The following ZNF579 variants were observed in gnomAD, a reference collection of about 807,000 sequenced individuals.
The protein encoded by ZNF579 is zinc finger protein 579.
Under a neutral mutation model 5.7 loss-of-function variants are expected in ZNF579, and 3 were observed. The ratio of observed to expected loss-of-function variants is 0.53; its 90% confidence interval spans 0.24 to 1.36. The LOEUF is 1.36. Among genes scored for constraint, ZNF579 ranks in the 40% most tolerant of loss-of-function variants. The pLI, the probability that ZNF579 is intolerant of heterozygous loss-of-function variation, is 0.16. For missense variants in ZNF579, 679 were observed against 877.6 expected (o/e 0.77, Z 2.86); for synonymous variants, 454 against 409.0 (o/e 1.11, Z -1.33).
chr19:55,578,182 C>T lies in ZNF579; in HGVS notation c.1458G>A (p.Pro486=), dbSNP rs1018475587. Residue 486 remains proline, a synonymous_variant, in exon 2 of 2, where the codon CCG becomes CCA. Coordinates refer to ENST00000325421, the MANE Select transcript of ZNF579 (RefSeq NM_152600.3). ...GCTCGGCCTTCAGGGGCGGCGGGGG[C>T]GGTGGCGGCGACGTCGGGGCCTGGG... ...LQAQAPTSPP[P]PPPPLKAEQE... 5 of 1,494,988 alleles carry T rather than the reference C, an allele frequency of 3.3e-6. No homozygotes were observed. The African/African-American group carries it at 4.2e-5, about 13-fold the overall frequency. 92.6% of individuals were successfully genotyped at this position (1,494,988 alleles called of 1,614,324 possible).
rs1274326661 is a variant in ZNF579 at position 55,578,348 on chromosome 19, G to A, written c.1292C>T (p.Ala431Val). 1 of 1,428,996 alleles carries A rather than the reference G, an allele frequency of 7.0e-7. No individual in the cohort carries two copies. The highest frequency in any genetic ancestry group is 1.5e-5 in the African/African-American group (1 of 66,166). The allele number at this position is 1,428,996 out of a possible 1,614,324, so 88.5% of individuals were successfully genotyped here. A position where few individuals can be genotyped will look rare whatever the true frequency, so the allele number is the denominator to read the frequency against. ...GGCTGGGCCCCCCGCGTGCACCTGTGCGTGGCGCGCCAGGTCGGCCAGGCG... is the reference window on the plus strand; with the variant it reads ...GGCTGGGCCCCCCGCGTGCACCTGTACGTGGCGCGCCAGGTCGGCCAGGCG... ...FKRLADLARH[A>V]QVHAGGPAPH... The change falls in exon 2 of 2, where the codon GCA (alanine) becomes GTA (valine). Residue 431 changes from alanine to valine, a missense_variant. Around this residue, in one of 6 missense-constraint regions of ZNF579, gnomAD observed 68 missense variants for 154.2 expected, o/e 0.44. Transcript: ENST00000325421.
chr19:55,577,729 G>A lies in ZNF579; in HGVS notation c.*222C>T. The stretch of plus-strand genomic sequence containing the variant: ...GCCGCCTTTTTTTCCAAGTCGTCCT[G>A]CCTTAAGACACATGTTGGGGTGAGC... On this transcript the variant is annotated 3_prime_UTR_variant, in exon 2 of 2. Coordinates refer to ENST00000325421, the MANE Select transcript of ZNF579 (RefSeq NM_152600.3). 1 of 840,984 alleles carries A rather than the reference G, an allele frequency of 1.2e-6. No homozygotes were observed. The allele number at this position is 840,984 out of a possible 1,614,324, so 52.1% of individuals were successfully genotyped here.
chr19:55,577,767 G>C lies in ZNF579; in HGVS notation c.*184C>G. The C allele has an allele frequency of 2.6e-6, 3 of 1,158,772 alleles. No individual in the cohort carries two copies. Among genetic ancestry groups the C allele is most frequent in the Non-Finnish European group, 3.5e-6 (3 of 846,838 alleles). The allele number at this position is 1,158,772 out of a possible 1,614,324, so 71.8% of individuals were successfully genotyped here. ...TGTTGGGGTGAGCGGTTCCTAACCA[G>C]CATCAGGGGTTCTGGGGGCGGGCGA... is the stretch of plus-strand genomic sequence containing the variant. On this transcript the variant is annotated 3_prime_UTR_variant, in exon 2 of 2. Transcript: ENST00000325421.
chr19:55,579,248 G>A lies in ZNF579; in HGVS notation c.392C>T (p.Ala131Val). ...CGTCTCCTTGGCCACCCTCTCGATG[G>A]CCAGCTCGACCTCGCCGCCCGCGTG... is the stretch of plus-strand genomic sequence containing the variant. ...QEHAGGEVELAIERVAKETAE... is the reference protein window; with the variant it reads ...QEHAGGEVELVIERVAKETAE... The change falls in exon 2 of 2, where the codon GCC (alanine) becomes GTC (valine). Residue 131 changes from alanine to valine, a missense_variant. Ala to Val is a moderately conservative substitution (Grantham distance 64, BLOSUM62 0). Around this residue, in one of 6 missense-constraint regions of ZNF579, gnomAD observed 209 missense variants for 223.4 expected, o/e 0.94. Transcript: ENST00000325421. 6.6e-7 allele frequency: 1 copy of A among 1,520,206 alleles called. No homozygotes were observed. The highest frequency in any genetic ancestry group is 8.8e-7 in the Non-Finnish European group (1 of 1,139,370). 94.2% of individuals were successfully genotyped at this position (1,520,206 alleles called of 1,614,324 possible). A position where few individuals can be genotyped will look rare whatever the true frequency, so the allele number is the denominator to read the frequency against.
In ZNF579 at chr19:55,579,066, G is replaced by A; in HGVS notation, c.574C>T (p.Arg192Trp). ...LAAPTSAAEP[R>W]ESESEEAEAG... ...TCGGCCTCCTCCGACTCCGACTCCCGGGGCTCCGCGGCGCTGGTGGGCGCA... is the reference window on the plus strand; with the variant it reads ...TCGGCCTCCTCCGACTCCGACTCCCAGGGCTCCGCGGCGCTGGTGGGCGCA... The change falls in exon 2 of 2, where the codon CGG becomes TGG. Residue 192 changes from arginine (R) to tryptophan (W), a missense_variant. By Grantham distance (101) the Arg-to-Trp change is moderately radical. Around this residue, in one of 6 missense-constraint regions of ZNF579, gnomAD observed 209 missense variants for 223.4 expected, o/e 0.94. Transcript: ENST00000325421. The A allele has an allele frequency of 6.5e-7, 1 of 1,529,120 alleles. No homozygotes were observed. The highest frequency in any genetic ancestry group is 8.7e-7 in the Non-Finnish European group (1 of 1,144,266). The allele number at this position is 1,529,120 out of a possible 1,614,324, so 94.7% of individuals were successfully genotyped here.
intron 1 of ZNF579, among the ~76,000 whole-genome samples, 189 bp downstream of exon 1, chr19:55,580,606 C>T (rs1979629193): frequency 6.6e-6 from 1 of 151,062 alleles, no homozygotes; most frequent in Non-Finnish European, 1.5e-5. Context: ...AGGGCCGGAC[C>T]CCTGGACTCG....
In ZNF579 at chr19:55,578,315, G is replaced by A. The variant is rs914472936; in HGVS notation, c.1325C>T (p.Pro442Leu). The A allele has an allele frequency of 3.1e-6, 4 of 1,304,022 alleles. No individual in the cohort carries two copies. Among genetic ancestry groups the A allele is most frequent in the Admixed American group, 8.7e-5 (2 of 23,040 alleles). The allele number at this position is 1,304,022 out of a possible 1,614,324, so 80.8% of individuals were successfully genotyped here. A position where few individuals can be genotyped will look rare whatever the true frequency, so the allele number is the denominator to read the frequency against. The part of the protein sequence containing the change: ...QVHAGGPAPH[P>L]CPRCPRRFSR... ...GAAGCGGCGCGGGCAGCGGGGGCAC[G>A]GGTGCGGGGCTGGGCCCCCCGCGTG... Residue 442 changes from proline (P) to leucine (L), a missense_variant, in exon 2 of 2, where the codon CCG becomes CTG. By Grantham distance (98) the Pro-to-Leu change is moderately conservative. Around this residue, in one of 6 missense-constraint regions of ZNF579, gnomAD observed 68 missense variants for 154.2 expected, o/e 0.44. Coordinates refer to ENST00000325421, the MANE Select transcript of ZNF579 (RefSeq NM_152600.3).
chr19:55,579,808 G>C, intron 1 of ZNF579, 167 bp from the exon 2 acceptor site: 1 of 695,822 alleles, frequency 1.4e-6, no homozygotes, highest in Non-Finnish European at 2.1e-6. Flanking sequence ...AGACACCGAG[G>C]GGAGGCCAGA....
Position 55,578,968 on chromosome 19 carries a change from G to A in ZNF579, c.672C>T (p.Leu224=). 6.5e-7 allele frequency: 1 copy of A among 1,545,056 alleles called. No individual in the cohort carries two copies. Among genetic ancestry groups the A allele is most frequent in the Non-Finnish European group, 8.7e-7 (1 of 1,150,034 alleles). Reference sequence around the variant, plus strand: ...GACACAGCAGCGTCCAGTCTGCCTGGAGCAGGACCTGTTTCTCCTCCTGCC... The same window carrying A: ...GACACAGCAGCGTCCAGTCTGCCTGAAGCAGGACCTGTTTCTCCTCCTGCC... The part of the protein sequence containing the change: ...AGRQEEKQVL[L]QADWTLLCLR... The change falls in exon 2 of 2, where the codon CTC becomes CTT. Residue 224 remains leucine (L), a synonymous_variant. Transcript: ENST00000325421.
chr19:55,578,443 C>G lies in ZNF579; in HGVS notation c.1197G>C (p.Leu399=). 6.8e-7 allele frequency: 1 copy of G among 1,469,456 alleles called. No homozygotes were observed. Among genetic ancestry groups the G allele is most frequent in the Non-Finnish European group, 8.9e-7 (1 of 1,120,420 alleles). The allele number at this position is 1,469,456 out of a possible 1,614,324, so 91.0% of individuals were successfully genotyped here. Reference sequence around the variant, plus strand: ...CCGAGTGGGTCACCCCGTGCTGCCGCAGGTGCGCCCGGCGCCTGAAACCTT... The same window carrying G: ...CCGAGTGGGTCACCCCGTGCTGCCGGAGGTGCGCCCGGCGCCTGAAACCTT... The part of the protein sequence containing the change: ...CGKGFRRRAH[L]RQHGVTHSGA... The change falls in exon 2 of 2, where the codon CTG becomes CTC. Residue 399 remains leucine, a synonymous_variant. Coordinates refer to ENST00000325421, the MANE Select transcript of ZNF579 (RefSeq NM_152600.3).
chr19:55,578,652 G>A lies in ZNF579; in HGVS notation c.988C>T (p.Pro330Ser). ...TTGTCGTCCTTCTTGCCCGCCGCGG[G>A]CAGCGGGGCCAGCAGGCTGAGGGGG... Reference protein sequence around the residue: ...HGPLSLLAPLPAAGKKDDKAS... With the variant: ...HGPLSLLAPLSAAGKKDDKAS... Residue 330 changes from proline to serine, a missense_variant, in exon 2 of 2, where the codon CCC (proline) becomes TCC (serine). Pro to Ser is a moderately conservative substitution (Grantham distance 74, BLOSUM62 -1). Coordinates refer to ENST00000325421, the MANE Select transcript of ZNF579 (RefSeq NM_152600.3). The A allele has an allele frequency of 6.5e-7, 1 of 1,530,822 alleles. No individual in the cohort carries two copies. The highest frequency in any genetic ancestry group is 8.7e-7 in the Non-Finnish European group (1 of 1,149,446). 94.8% of individuals were successfully genotyped at this position (1,530,822 alleles called of 1,614,324 possible).
chr19:55,579,730 G>A, intron 1 of ZNF579, 89 bp from the exon 2 acceptor site: 5 of 1,298,948 alleles, frequency 3.8e-6, no homozygotes, highest in Non-Finnish European at 4.9e-6. Flanking sequence ...GAGACAGTCA[G>A]AGATGGAGAG....
chr19:55,579,159 C>T lies in ZNF579; in HGVS notation c.481G>A (p.Ala161Thr). 1 of 1,525,534 alleles carries T rather than the reference C, an allele frequency of 6.6e-7. No individual in the cohort carries two copies. The highest frequency in any genetic ancestry group is 1.4e-5 in the African/African-American group (1 of 71,894). The allele number at this position is 1,525,534 out of a possible 1,614,324, so 94.5% of individuals were successfully genotyped here. Residue 161 changes from alanine to threonine, a missense_variant, in exon 2 of 2, where the codon GCC (alanine) becomes ACC (threonine). Transcript: ENST00000325421. ...GCTGCGACCGCCTCCTCCTCCGTGG[C>T]CCCTGCTGCAGCGGTGGTGGGCGGC... Reference protein sequence around the residue: ...SEPPTTAAAGATEEEAVAAWP... With the variant: ...SEPPTTAAAGTTEEEAVAAWP...
rs1403394224 is a variant in ZNF579 at position 55,578,338 on chromosome 19, G to A, written c.1302C>T (p.His434=). 2.9e-6 allele frequency: 4 copies of A among 1,395,968 alleles called. No individual in the cohort carries two copies. The Admixed American group carries it at 1.0e-4, about 36-fold the overall frequency. The allele number at this position is 1,395,968 out of a possible 1,614,324, so 86.5% of individuals were successfully genotyped here. ...LADLARHAQV[H]AGGPAPHPCP... Reference sequence around the variant, plus strand: ...ACGGGTGCGGGGCTGGGCCCCCCGCGTGCACCTGTGCGTGGCGCGCCAGGT... The same window carrying A: ...ACGGGTGCGGGGCTGGGCCCCCCGCATGCACCTGTGCGTGGCGCGCCAGGT... Residue 434 remains histidine (H), a synonymous_variant, in exon 2 of 2, where the codon CAC becomes CAT. Transcript: ENST00000325421.
At position 55,578,710 on chromosome 19, in the gene ZNF579, G is replaced by T. The variant is rs34164618; in HGVS notation, c.930C>A (p.Ala310=). 0.24 allele frequency: 376,244 copies of T among 1,583,986 alleles called. 46,826 individuals are homozygous for T. The highest frequency in any genetic ancestry group is 0.38 in the South Asian group (33,531 of 88,032). The change falls in exon 2 of 2, where the codon GCC becomes GCA. Residue 310 remains alanine (A), a synonymous_variant. Coordinates refer to ENST00000325421, the MANE Select transcript of ZNF579 (RefSeq NM_152600.3). ...CGCGGCGGTGCTGGCGGAGGTAGGA[G>T]GCGAGGCGGAAGGCCAGGCCGCAGT... ...CPDCGLAFRL[A]SYLRQHRRVH...
At chr19:55,580,655 G>C (rs1462044205) in intron 1 of ZNF579, 140 bp downstream of exon 1, 2 of 152,322 alleles carry the variant, frequency 1.3e-5, no homozygotes, top group African/African-American at 4.8e-5. Context: ...CCAGGTCCTA[G>C]AGGGGGGCCG....
chr19:55,578,789 G>C lies in ZNF579; in HGVS notation c.851C>G (p.Ser284Cys). The C allele has an allele frequency of 6.2e-7, 1 of 1,602,716 alleles. No homozygotes were observed. Among genetic ancestry groups the C allele is most frequent in the Non-Finnish European group, 8.5e-7 (1 of 1,174,884 alleles). Residue 284 changes from serine (S) to cysteine (C), a missense_variant, in exon 2 of 2, where the codon TCC becomes TGC. This residue lies in a region of ZNF579 where 38 missense variants were observed against 70.3 expected (regional missense o/e 0.54). Coordinates refer to ENST00000325421, the MANE Select transcript of ZNF579 (RefSeq NM_152600.3). ...ICLKAFARPWSLSRHRLVHST... is the reference protein window; with the variant it reads ...ICLKAFARPWCLSRHRLVHST... ...GTGGACCAGCCGGTGGCGCGACAGG[G>C]ACCAGGGCCTGGCGAAGGCCTTGAG...
chr19:55,578,823 A>G lies in ZNF579; in HGVS notation c.817T>C (p.Ser273Pro). The G allele has an allele frequency of 1.2e-6, 2 of 1,602,746 alleles. No homozygotes were observed. The highest frequency in any genetic ancestry group is 1.7e-6 in the Non-Finnish European group (2 of 1,174,040). ...CTGGCGAAGGCCTTGAGGCAGATGG[A>G]GCACTGGTGTCGCTTGGGGCGTGGC... is the stretch of plus-strand genomic sequence containing the variant. ...PPPRPKRHQC[S>P]ICLKAFARPW... The change falls in exon 2 of 2, where the codon TCC becomes CCC. Residue 273 changes from serine to proline, a missense_variant. Physicochemically the swap from Ser to Pro is moderately conservative, Grantham distance 74. This residue lies in a region of ZNF579 where 209 missense variants were observed against 223.4 expected (regional missense o/e 0.94). Transcript: ENST00000325421.
chr19:55,580,596 AG>A (rs1311153906), intron 1 of ZNF579, among the ~76,000 whole-genome samples, 198 bp downstream of exon 1: 1 of 124,080 alleles, frequency 8.1e-6, no homozygotes, highest in East Asian at 2.3e-4. Flanking sequence ...GAGGCGACTG[AG>A]GGCCGGACCC....
Sources: gnomAD v4.1 joint callset for allele counts (sites outside exome capture counted in the v4.1 genomes callset) on GRCh38, gnomAD v4.1.1 for gene constraint, gnomAD v4.1.1 regional missense constraint, MANE v1.5 for transcripts, NCBI Gene and HGNC (gene_info 2026-07-23, HGNC 2026-07-21) for gene names.